Variants in ZBTB25 observed in about 807,000 individuals in gnomAD.
ZBTB25 encodes zinc finger and BTB domain containing 25.
A neutral mutation model predicts 34.2 loss-of-function variants in ZBTB25; 20 were observed. The observed-to-expected ratio is 0.58, with a 90% CI of 0.41 to 0.85. The LOEUF (loss-of-function observed/expected upper bound fraction) is 0.85, where lower values mean the gene tolerates loss of function less well. Ranked by LOEUF, ZBTB25 falls within the 40% of genes least tolerant of loss-of-function variation. The probability of loss-of-function intolerance (pLI) is 0.00; values close to 1 mark genes in which losing one functional copy is unlikely to be tolerated. For missense variants in ZBTB25, 437 were observed against 521.8 expected (o/e 0.84, Z 1.58); for synonymous variants, 175 against 186.4 (o/e 0.94, Z 0.50).
intron 2 of ZBTB25, among the ~76,000 whole-genome samples, chr14:64,452,814 A>G (rs973668496): frequency 2.6e-5 from 4 of 152,192 alleles, no homozygotes; most frequent in African/African-American, 9.7e-5. Flanking sequence ...CAGTGTCCCC[A>G]GGTCTGGTTT....
At chr14:64,453,989 C>G (rs2078422305) in intron 2 of ZBTB25, 1 of 703,316 alleles carries the variant, frequency 1.4e-6, no homozygotes, top group Non-Finnish European at 2.6e-6. Context: ...CTTCTCTCCT[C>G]TGAAATACTG....
At chr14:64,502,969 T>C (rs1198209196) in intron 1 of ZBTB25, 1 of 985,342 alleles carries the variant, frequency 1.0e-6, no homozygotes. Context: ...GAATGCCAAA[T>C]TTAATCCCTT....
chr14:64,458,883 T>C (rs970220542), intron 2 of ZBTB25, among the ~76,000 whole-genome samples: 1 of 152,198 alleles, frequency 6.6e-6, no homozygotes, highest in Non-Finnish European at 1.5e-5. Context: ...AGGCAGACCC[T>C]TGGGGCTGAA....
chr14:64,487,754 A>G lies in ZBTB25; in HGVS notation c.477T>C (p.Ala159=). Residue 159 remains alanine, a synonymous_variant, in exon 3 of 3, where the codon GCT becomes GCC. Transcript: ENST00000608382. ...EAPSSNSGNR[A]AVQGDHPQLQ... ...ACTGGGGGTGGTCACCCTGGACAGC[A>G]GCTCTGTTTCCACTGTTACTGGAAG... The G allele has an allele frequency of 6.2e-7, 1 of 1,614,192 alleles. No individual in the cohort carries two copies. The highest frequency in any genetic ancestry group is 8.5e-7 in the Non-Finnish European group (1 of 1,180,044).
intron 1 of ZBTB25, among the ~76,000 whole-genome samples, chr14:64,491,816 C>A (rs1051586961): frequency 2.6e-5 from 4 of 152,166 alleles, no homozygotes; most frequent in African/African-American, 9.7e-5. Flanking sequence ...GAGGTTTCCA[C>A]ACCAGCCAGC....
chr14:64,486,710 G>C lies in ZBTB25; in HGVS notation c.*213C>G, dbSNP rs961426532. The C allele has an allele frequency of 8.3e-7, 1 of 1,201,150 alleles. No individual in the cohort carries two copies. The highest frequency in any genetic ancestry group is 4.1e-5 in the Admixed American group (1 of 24,586). The allele number at this position is 1,201,150 out of a possible 1,614,324, so 74.4% of individuals were successfully genotyped here. A position where few individuals can be genotyped will look rare whatever the true frequency, so the allele number is the denominator to read the frequency against. On this transcript the variant is annotated 3_prime_UTR_variant, in exon 3 of 3. Transcript: ENST00000608382. Reference sequence around the variant, plus strand: ...ATTTCTAAATTGTTATTTCGTTTGTGAAAAGTTCACAGTAGTAATTGAATG... The same window carrying C: ...ATTTCTAAATTGTTATTTCGTTTGTCAAAAGTTCACAGTAGTAATTGAATG...
chr14:64,494,528 G>C (rs2141042472), intron 1 of ZBTB25, among the ~76,000 whole-genome samples: 1 of 152,310 alleles, frequency 6.6e-6, no homozygotes, highest in African/African-American at 2.4e-5. Flanking sequence ...AGCTACTTGG[G>C]AGGTTGAGGC....
chr14:64,466,728 T>C (rs1275306004), intron 2 of ZBTB25, among the ~76,000 whole-genome samples: 1 of 152,232 alleles, frequency 6.6e-6, no homozygotes, highest in Non-Finnish European at 1.5e-5. Context: ...CATAAAATTA[T>C]GGGTTACCCA....
At position 64,482,656 on chromosome 14, in the gene ZBTB25, G is replaced by A. The variant is rs1377643053; in HGVS notation, c.*4267C>T. ...AAATTACAGTAGAACAGGAATTCTAGCAACAGTATTGTTTCTAGTTATTTG... is the reference window on the plus strand; with the variant it reads ...AAATTACAGTAGAACAGGAATTCTAACAACAGTATTGTTTCTAGTTATTTG... On this transcript the variant is annotated 3_prime_UTR_variant, in exon 3 of 3. Transcript: ENST00000608382. The A allele has an allele frequency of 6.6e-6, 1 of 152,148 alleles. No individual in the cohort carries two copies. The highest frequency in any genetic ancestry group is 1.5e-5 in the Non-Finnish European group (1 of 68,028). 9.4% of individuals were successfully genotyped at this position (152,148 alleles called of 1,614,324 possible).
At chr14:64,469,893 T>C (rs545356203) in intron 2 of ZBTB25, 72 of 441,254 alleles carry the variant, frequency 1.6e-4, no homozygotes, top group Non-Finnish European at 2.7e-4. Flanking sequence ...TCAGCACAGA[T>C]TGCAGTGTAA....
chr14:64,482,478 A>C lies in ZBTB25; in HGVS notation c.*4445T>G, dbSNP rs10147522. 0.28 allele frequency: 42,909 copies of C among 152,192 alleles called. 6,523 individuals carry two copies. Among genetic ancestry groups the C allele is most frequent in the East Asian group, 0.43 (2,238 of 5,190 alleles). The allele number at this position is 152,192 out of a possible 1,614,324, so 9.4% of individuals were successfully genotyped here. A position where few individuals can be genotyped will look rare whatever the true frequency, so the allele number is the denominator to read the frequency against. On this transcript the variant is annotated 3_prime_UTR_variant, in exon 3 of 3. Transcript: ENST00000608382. The stretch of plus-strand genomic sequence containing the variant: ...AAAAGAAAAAAAAACAAAGGTATTT[A>C]TTTATTGTTTTTGTTCCTTTTCCTT...
chr14:64,484,972 A>G lies in ZBTB25; in HGVS notation c.*1951T>C. 1 of 980,654 alleles carries G rather than the reference A, an allele frequency of 1.0e-6. No homozygotes were observed. Among genetic ancestry groups the G allele is most frequent in the Non-Finnish European group, 1.2e-6 (1 of 825,554 alleles). The allele number at this position is 980,654 out of a possible 1,614,324, so 60.7% of individuals were successfully genotyped here. A position where few individuals can be genotyped will look rare whatever the true frequency, so the allele number is the denominator to read the frequency against. On this transcript the variant is annotated 3_prime_UTR_variant, in exon 3 of 3. Coordinates refer to ENST00000608382, the MANE Select transcript of ZBTB25 (RefSeq NM_006977.5). ...CAAAGAACATACATTTGTTTTAATT[A>G]CTCCCAATACAATTGATCTTATCAA...
intron 2 of ZBTB25, chr14:64,467,870 C>G (rs978026863): frequency 2.6e-5 from 4 of 152,124 alleles, no homozygotes; most frequent in Admixed American, 6.5e-5. Flanking sequence ...TTCACACAGA[C>G]AACACAACTA....
At chr14:64,469,399 G>T (rs763647950) in intron 2 of ZBTB25, 6 of 1,613,744 alleles carry the variant, frequency 3.7e-6, no homozygotes, top group Non-Finnish European at 5.1e-6. Flanking sequence ...GCAAAAGAAT[G>T]GAGCCAATTG....
intron 2 of ZBTB25, among the ~76,000 whole-genome samples, chr14:64,457,176 A>G (rs1224032448): frequency 6.6e-6 from 1 of 152,240 alleles, no homozygotes; most frequent in Non-Finnish European, 1.5e-5. Context: ...AAAGGATACT[A>G]ACTCCTACCA....
chr14:64,488,354 A>G (rs889286821), intron 2 of ZBTB25, among the ~76,000 whole-genome samples: 1 of 152,098 alleles, frequency 6.6e-6, no homozygotes, highest in African/African-American at 2.4e-5. Context: ...ACTAGATGCC[A>G]GCGGTAGAAA....
intron 1 of ZBTB25, chr14:64,502,545 A>G (rs1406499841): frequency 4.1e-5 from 33 of 799,570 alleles, no homozygotes; most frequent in Non-Finnish European, 5.0e-5. Flanking sequence ...TTTTAGTTCC[A>G]AAAATACACC....
At chr14:64,499,175 T>C (rs2079399082) in intron 1 of ZBTB25, among the ~76,000 whole-genome samples, 1 of 152,190 alleles carries the variant, frequency 6.6e-6, no homozygotes, top group Non-Finnish European at 1.5e-5. Flanking sequence ...AACAATTCCG[T>C]AAGAGTGTTC....
At chr14:64,470,404 A>G (rs576137926) in intron 2 of ZBTB25, 1 of 161,702 alleles carries the variant, frequency 6.2e-6, no homozygotes, top group East Asian at 1.9e-4. Context: ...AGCCTGGCCA[A>G]TGTGGTGAAA....
Sources: allele counts gnomAD v4.1 joint callset (sites outside exome capture counted in the v4.1 genomes callset), GRCh38; gene constraint gnomAD v4.1.1; transcripts MANE v1.5; gene names NCBI Gene and HGNC (gene_info 2026-07-23, HGNC 2026-07-21).